Variants in MEP1B observed in about 807,000 individuals in gnomAD.
The protein encoded by MEP1B is meprin A subunit beta.
In MEP1B, 80 loss-of-function variants were observed where a neutral mutation model predicts 84.6. The observed-to-expected ratio is 0.95, with a 90% confidence interval of 0.79 to 1.14. The LOEUF is 1.14. Among genes scored for constraint, MEP1B ranks in the 50% most tolerant of loss-of-function variants. The pLI, the probability that MEP1B is intolerant of heterozygous loss-of-function variation, is 0.00. For synonymous variants in MEP1B, 273 were observed against 288.1 expected (o/e 0.95, Z 0.53); for missense variants, 766 against 855.1 (o/e 0.90, Z 1.30).
At chr18:32,190,541 C>T (rs1410410378) in intron 1 of MEP1B, among the ~76,000 whole-genome samples, 3 of 152,130 alleles carry the variant, frequency 2.0e-5, no homozygotes, top group Non-Finnish European at 2.9e-5. Context: ...GCTTCTTCAT[C>T]AGTTTAGACT....
intron 2 of MEP1B, among the ~76,000 whole-genome samples, chr18:32,192,404 T>C (rs2040810519): frequency 6.6e-6 from 1 of 152,070 alleles, no homozygotes; most frequent in African/African-American, 2.4e-5. Flanking sequence ...ATTCCCGAAG[T>C]CATTTGACAT....
intron 10 of MEP1B, among the ~76,000 whole-genome samples, 162 bp from the exon 11 acceptor site, chr18:32,212,954 A>G (rs2041042996): frequency 1.3e-5 from 2 of 152,242 alleles, no homozygotes; most frequent in Admixed American, 1.3e-4. Flanking sequence ...AGCACCTTGA[A>G]GTAAATAATT....
intron 5 of MEP1B, among the ~76,000 whole-genome samples, chr18:32,198,193 A>C (rs1471482038): frequency 6.6e-6 from 1 of 152,258 alleles, no homozygotes; most frequent in Non-Finnish European, 1.5e-5. Context: ...CAGGACTGCC[A>C]TGAAGACTGT....
rs184511770 is a variant in MEP1B, at chr18:32,213,718, C to T, written c.1579+159C>T. ...GGGGAAAGGTTTCAAGAATTGTGGA[C>T]TGAGTCTGTCAGACAGGAGCTCATC... On this transcript the variant is annotated intron_variant, in intron 11 of 14. Coordinates refer to ENST00000269202, the MANE Select transcript of MEP1B (RefSeq NM_005925.3). Among the ~76,000 whole-genome samples, 191 of 152,278 alleles carry T rather than the reference C, an allele frequency of 1.3e-3. 2 individuals are homozygous for T. Among genetic ancestry groups the T allele is most frequent in the African/African-American group, 4.3e-3 (178 of 41,564 alleles).
In MEP1B at chr18:32,217,001, C is replaced by A; in HGVS notation, c.1770C>A (p.His590Gln). Residue 590 changes from histidine (H) to glutamine (Q), a missense_variant, in exon 13 of 15, where the codon CAC (histidine) becomes CAA (glutamine). Physicochemically the swap from His to Gln is conservative, Grantham distance 24. Transcript: ENST00000269202. ...YILLTVEDIS[H>Q]LNSTQIQLTP... ...TCCCCATCTTCCTAGACATATCTCA[C>A]CTCAACTCTACACAAATCCAGCTAA... 1 of 1,613,844 alleles carries A rather than the reference C, an allele frequency of 6.2e-7. No individual in the cohort carries two copies. Among genetic ancestry groups the A allele is most frequent in the Non-Finnish European group, 8.5e-7 (1 of 1,179,826 alleles).
chr18:32,195,828 C>A (rs1598886991), intron 5 of MEP1B, among the ~76,000 whole-genome samples: 1 of 152,086 alleles, frequency 6.6e-6, no homozygotes, highest in Non-Finnish European at 1.5e-5. Flanking sequence ...TGAACCAGTG[C>A]AAAAACATCT....
chr18:32,220,335 C>T lies in MEP1B; in HGVS notation c.*90C>T, dbSNP rs1418161402. 8 of 1,202,978 alleles carry T rather than the reference C, an allele frequency of 6.7e-6. No homozygotes were observed. The Admixed American group carries it at 8.9e-5, about 13-fold the overall frequency. 74.5% of individuals were successfully genotyped at this position (1,202,978 alleles called of 1,614,324 possible). A position where few individuals can be genotyped will look rare whatever the true frequency, so the allele number is the denominator to read the frequency against. ...TAAGTGATATTACAGCCACCTCATT[C>T]TTCTAAAAGTGGATATTTTTCTGTA... On this transcript the variant is annotated 3_prime_UTR_variant, in exon 15 of 15. Transcript: ENST00000269202.
chr18:32,200,357 T>A (rs1255354096), intron 5 of MEP1B, among the ~76,000 whole-genome samples: 1 of 152,196 alleles, frequency 6.6e-6, no homozygotes, highest in Non-Finnish European at 1.5e-5. Context: ...TATTGTATAG[T>A]CTTTATAATA....
Position 32,196,753 on chromosome 18 carries a change from C to A in MEP1B, c.250+1268C>A. 1 of 650,838 alleles carries A rather than the reference C, an allele frequency of 1.5e-6. No individual in the cohort carries two copies. The highest frequency in any genetic ancestry group is 1.8e-5 in the South Asian group (1 of 56,886). 40.3% of individuals were successfully genotyped at this position (650,838 alleles called of 1,614,324 possible). On this transcript the variant is annotated intron_variant, in intron 5 of 14. Transcript: ENST00000269202. The surrounding 1 kb of genome is among the most constrained non-coding windows in gnomAD (Gnocchi z 4.4). ...TGCCTGCTGGTGAAGCAGTGCAGGG[C>A]CAGGTGCATGTTTTCCTGGATGGTG... is the stretch of plus-strand genomic sequence containing the variant.
chr18:32,218,593 G>C (rs2041117937), intron 14 of MEP1B, among the ~76,000 whole-genome samples: 1 of 152,174 alleles, frequency 6.6e-6, no homozygotes, highest in African/African-American at 2.4e-5. Flanking sequence ...GGTTTATTGG[G>C]GAGGGCTCCT....
chr18:32,194,581 T>A (rs1467063767), intron 4 of MEP1B, among the ~76,000 whole-genome samples: 1 of 152,020 alleles, frequency 6.6e-6, no homozygotes, highest in Non-Finnish European at 1.5e-5. Context: ...TCAACACATA[T>A]TCAAAACATC....
Position 32,207,312 on chromosome 18 carries a change from A to G in MEP1B, c.608A>G (p.Tyr203Cys). The G allele has an allele frequency of 1.2e-6, 2 of 1,613,264 alleles. No homozygotes were observed. Among genetic ancestry groups the G allele is most frequent in the Non-Finnish European group, 8.5e-7 (1 of 1,179,390 alleles). ...DDISDSLNVP[Y>C]DYTSVMHYSK... Reference sequence around the variant, plus strand: ...ATATCAGATTCCCTGAATGTTCCCTATGATTACACTTCAGTAATGCACTAC... The same window carrying G: ...ATATCAGATTCCCTGAATGTTCCCTGTGATTACACTTCAGTAATGCACTAC... The change falls in exon 8 of 15, where the codon TAT becomes TGT. Residue 203 changes from tyrosine (Y) to cysteine (C), a missense_variant. Transcript: ENST00000269202.
intron 11 of MEP1B, among the ~76,000 whole-genome samples, chr18:32,214,614 G>A (rs1465669651): frequency 6.6e-6 from 1 of 152,172 alleles, no homozygotes; most frequent in Non-Finnish European, 1.5e-5. Context: ...GAAGCACTTT[G>A]CTCTGTTAGG....
intron 2 of MEP1B, 44 bp downstream of exon 2, chr18:32,191,884 G>A: frequency 7.7e-7 from 1 of 1,297,246 alleles, no homozygotes; most frequent in Non-Finnish European, 1.1e-6. Context: ...GAGAACCTAG[G>A]ACATATTTAA....
Position 32,220,331 on chromosome 18 carries a change from C to T in MEP1B, c.*86C>T. On this transcript the variant is annotated 3_prime_UTR_variant, in exon 15 of 15. Transcript: ENST00000269202. ...CGCCTAAGTGATATTACAGCCACCT[C>T]ATTCTTCTAAAAGTGGATATTTTTC... 8.1e-7 allele frequency: 1 copy of T among 1,241,688 alleles called. No individual in the cohort carries two copies. The highest frequency in any genetic ancestry group is 2.1e-5 in the Admixed American group (1 of 48,262). 76.9% of individuals were successfully genotyped at this position (1,241,688 alleles called of 1,614,324 possible). A position where few individuals can be genotyped will look rare whatever the true frequency, so the allele number is the denominator to read the frequency against.
Position 32,204,204 on chromosome 18 carries a change from A to G in MEP1B, c.391A>G (p.Arg131Gly). ...GSGCWSSVGNRRVGKQELSIG... is the reference protein window; with the variant it reads ...GSGCWSSVGNGRVGKQELSIG... ...AAGCTGCTGGTCTTCAGTAGGAAAT[A>G]GGCGGGTTGGGAAGCAAGAACTTTC... Residue 131 changes from arginine (R) to glycine (G), a missense_variant, in exon 7 of 15, where the codon AGG becomes GGG. Arg to Gly is a moderately radical substitution (Grantham distance 125). Transcript: ENST00000269202. 1 of 1,606,704 alleles carries G rather than the reference A, an allele frequency of 6.2e-7. No homozygotes were observed. The highest frequency in any genetic ancestry group is 8.5e-7 in the Non-Finnish European group (1 of 1,176,760).
chr18:32,192,611 T>C (rs1165658888), intron 2 of MEP1B, 35 bp from the exon 3 acceptor site: 1 of 1,593,822 alleles, frequency 6.3e-7, no homozygotes, highest in Non-Finnish European at 8.6e-7. Context: ...ATAAACATAA[T>C]GTTCAATTTT....
chr18:32,220,069 C>G (rs1240528446), intron 14 of MEP1B, among the ~76,000 whole-genome samples, 162 bp from the exon 15 acceptor site: 1 of 152,094 alleles, frequency 6.6e-6, no homozygotes, highest in Non-Finnish European at 1.5e-5. Flanking sequence ...AGCCAGGGCT[C>G]GAAATGGAGA....
rs757121510 is a variant in MEP1B at position 32,210,524 on chromosome 18, G to A, written c.943G>A (p.Asp315Asn). 5.2e-5 allele frequency: 84 copies of A among 1,613,658 alleles called. No homozygotes were observed. The East Asian group carries it at 1.7e-3, about 33-fold the overall frequency. Residue 315 changes from aspartate to asparagine, a missense_variant, in exon 10 of 15, where the codon GAT becomes AAT. Coordinates refer to ENST00000269202, the MANE Select transcript of MEP1B (RefSeq NM_005925.3). The stretch of plus-strand genomic sequence containing the variant: ...AGGTTCTGGTTTCTTCATGCATTTC[G>A]ATAGCAGCTCTGTAAATGTGGGGGC... ...CQGSGFFMHF[D>N]SSSVNVGATA...
Sources: gnomAD v4.1 joint callset for allele counts (sites outside exome capture counted in the v4.1 genomes callset) on GRCh38, gnomAD v4.1.1 for gene constraint, Gnocchi (gnomAD v3.1) non-coding constraint, MANE v1.5 for transcripts, NCBI Gene and HGNC (gene_info 2026-07-23, HGNC 2026-07-21) for gene names.